DNAH14: variants seen among roughly 807,000 people sequenced by gnomAD.
DNAH14 encodes axonemal beta dynein heavy chain 14.
A neutral mutation model predicts 520.9 loss-of-function variants in DNAH14; 478 were observed. The observed-to-expected ratio is 0.92, with a 90% CI of 0.85 to 0.99. DNAH14 has a LOEUF of 0.99. Ranked by LOEUF, DNAH14 falls within the 50% of genes least tolerant of loss-of-function variation. The pLI is 0.00. For synonymous variants in DNAH14, 1,581 were observed against 1,757.2 expected, an observed-to-expected ratio of 0.90 and a Z score of 2.51; for missense variants, 4,831 against 5,234.5, an observed-to-expected ratio of 0.92 and a Z score of 2.38.
Position 225,159,316 on chromosome 1 carries a change from A to C in DNAH14, c.5276A>C (p.Asp1759Ala). 3.9e-6 allele frequency: 6 copies of C among 1,550,924 alleles called. No homozygotes were observed. The highest frequency in any genetic ancestry group is 5.2e-6 in the Non-Finnish European group (6 of 1,146,546). ...TTTGTTTTCTTCTACCATTGAAGTGATACCAGTGACAGTCTTTCTGAAGCA... is the reference window on the plus strand; with the variant it reads ...TTTGTTTTCTTCTACCATTGAAGTGCTACCAGTGACAGTCTTTCTGAAGCA... ...AGTKKREFKC[D>A]TSDSLSEADE... Residue 1759 changes from aspartate to alanine, a missense_variant and splice_region_variant, in exon 35 of 86, where the codon GAT becomes GCT. Physicochemically the swap from Asp to Ala is moderately radical, Grantham distance 126. Coordinates refer to ENST00000682510, the MANE Select transcript of DNAH14 (RefSeq NM_001367479.1).
intron 8 of DNAH14, among the ~76,000 whole-genome samples, chr1:224,978,642 CTTA>C (rs2062034149): frequency 6.6e-6 from 1 of 152,006 alleles, no homozygotes; most frequent in South Asian, 2.1e-4. Flanking sequence ...GCATTTTATT[CTTA>C]TTTCCTTTTT....
Position 225,206,992 on chromosome 1 carries a change from C to A in DNAH14, c.6211C>A (p.Pro2071Thr), listed in dbSNP as rs559897597. ...GGATCCTGTTGATCTGGGATGGGAA[C>A]CTTATGTTAAGTCATGGCTTCTGAA... ...YMDPVDLGWE[P>T]YVKSWLLKTS... The change falls in exon 41 of 86, where the codon CCT (proline) becomes ACT (threonine). Residue 2071 changes from proline to threonine, a missense_variant. Pro to Thr is a conservative substitution (Grantham distance 38, BLOSUM62 -1). Coordinates refer to ENST00000682510, the MANE Select transcript of DNAH14 (RefSeq NM_001367479.1). The A allele has an allele frequency of 2.0e-6, 3 of 1,527,120 alleles. No individual in the cohort carries two copies. Among genetic ancestry groups the A allele is most frequent in the East Asian group, 2.5e-5 (1 of 40,148 alleles). The allele number at this position is 1,527,120 out of a possible 1,614,324, so 94.6% of individuals were successfully genotyped here. A position where few individuals can be genotyped will look rare whatever the true frequency, so the allele number is the denominator to read the frequency against.
intron 41 of DNAH14, among the ~76,000 whole-genome samples, chr1:225,229,102 A>C (rs1415492644): frequency 6.6e-6 from 1 of 152,120 alleles, no homozygotes; most frequent in Admixed American, 6.5e-5. Flanking sequence ...ATCTGTACTA[A>C]ATAAATATGA....
chr1:225,328,622 G>A (rs2094727611), intron 64 of DNAH14, among the ~76,000 whole-genome samples: 1 of 128,340 alleles, frequency 7.8e-6, no homozygotes, highest in South Asian at 2.9e-4. Context: ...AAATATTTCT[G>A]GAAAATCTAA....
intron 8 of DNAH14, among the ~76,000 whole-genome samples, chr1:224,985,090 A>T (rs887827012): frequency 6.6e-6 from 1 of 152,204 alleles, no homozygotes; most frequent in Non-Finnish European, 1.5e-5. Flanking sequence ...AGAACTACCA[A>T]TTTGATCCAG....
chr1:225,315,142 A>G (rs965727649), intron 60 of DNAH14, among the ~76,000 whole-genome samples: 1 of 151,434 alleles, frequency 6.6e-6, no homozygotes, highest in African/African-American at 2.4e-5. Context: ...ATTCTTTTTC[A>G]TTCTTTTTTC....
In DNAH14 at chr1:224,974,133, A is replaced by G. The variant is rs1171907100; in HGVS notation, c.810A>G (p.Arg270=). 1.3e-6 allele frequency: 2 copies of G among 1,498,200 alleles called. No homozygotes were observed. The highest frequency in any genetic ancestry group is 1.8e-6 in the Non-Finnish European group (2 of 1,118,618). The allele number at this position is 1,498,200 out of a possible 1,614,324, so 92.8% of individuals were successfully genotyped here. A position where few individuals can be genotyped will look rare whatever the true frequency, so the allele number is the denominator to read the frequency against. Residue 270 remains arginine (R), a synonymous_variant, in exon 8 of 86, where the codon AGA becomes AGG. Coordinates refer to ENST00000682510, the MANE Select transcript of DNAH14 (RefSeq NM_001367479.1). ...AFVTWKLNVK[R]IKTEKSRSFL... ...TTACCTGGAAATTGAATGTTAAAAG[A>G]ATTAAGACAGAGAAGAGCAGGTAAG... is the stretch of plus-strand genomic sequence containing the variant.
chr1:225,268,773 G>A (rs2093210763), intron 49 of DNAH14, among the ~76,000 whole-genome samples: 1 of 152,104 alleles, frequency 6.6e-6, no homozygotes, highest in Admixed American at 6.6e-5. Flanking sequence ...ACTTACAAGG[G>A]ATGTGAAGGA....
chr1:225,122,549 CTA>C lies in DNAH14; in HGVS notation c.4167-974_4167-973del, dbSNP rs1363425418. 3.9e-5 allele frequency among the ~76,000 whole-genome samples: 6 copies of C among 152,140 alleles called. No individual in the cohort carries two copies. In the East Asian group the frequency reaches 7.7e-4, roughly 20 times the overall value. On this transcript the variant is annotated intron_variant, in intron 26 of 85. Coordinates refer to ENST00000682510, the MANE Select transcript of DNAH14 (RefSeq NM_001367479.1). The stretch of plus-strand genomic sequence containing the variant: ...AGATTTTGTCAAAAGAGAAATGTAA[CTA>C]TATGTTGTTTGAGAGATGTATAGCA...
At chr1:225,206,415 A>T (rs1437423174) in intron 40 of DNAH14, among the ~76,000 whole-genome samples, 1 of 152,138 alleles carries the variant, frequency 6.6e-6, no homozygotes, top group Non-Finnish European at 1.5e-5. Flanking sequence ...TATTTTCCAC[A>T]ACTGTGGGTA....
intron 41 of DNAH14, among the ~76,000 whole-genome samples, chr1:225,207,997 T>C (rs1036277013): frequency 1.3e-5 from 2 of 152,148 alleles, no homozygotes; most frequent in East Asian, 3.9e-4. Flanking sequence ...AACAACAAAA[T>C]GTCCTATTGG....
At chr1:225,038,615 G>T (rs934779384) in intron 11 of DNAH14, 79 bp from the exon 12 acceptor site, 26 of 1,383,794 alleles carry the variant, frequency 1.9e-5, no homozygotes, top group Non-Finnish European at 2.5e-5. Context: ...GCTTTTTGTT[G>T]TTGAGTTGTA....
intron 36 of DNAH14, among the ~76,000 whole-genome samples, chr1:225,171,526 T>G (rs913128997): frequency 3.3e-5 from 5 of 151,936 alleles, no homozygotes; most frequent in Admixed American, 2.6e-4. Flanking sequence ...CTAGAAGAAA[T>G]GGAAAAATTT....
In DNAH14 at chr1:225,164,414, A is replaced by G. The variant is rs374631761; in HGVS notation, c.5446-3525A>G. ...TATCTTTGTTTGAACTGTCTATCTTATAGGACATATATTGATGGCCTTTGT... is the reference window on the plus strand; with the variant it reads ...TATCTTTGTTTGAACTGTCTATCTTGTAGGACATATATTGATGGCCTTTGT... On this transcript the variant is annotated intron_variant, in intron 35 of 85. Coordinates refer to ENST00000682510, the MANE Select transcript of DNAH14 (RefSeq NM_001367479.1). Among the ~76,000 whole-genome samples, 7 of 152,248 alleles carry G rather than the reference A, an allele frequency of 4.6e-5. No individual in the cohort carries two copies. The South Asian group carries it at 1.2e-3, about 27-fold the overall frequency.
At chr1:225,083,242 T>A (rs1304234867) in intron 20 of DNAH14, among the ~76,000 whole-genome samples, 1 of 152,154 alleles carries the variant, frequency 6.6e-6, no homozygotes, top group Non-Finnish European at 1.5e-5. Flanking sequence ...AAAAACTTTC[T>A]ATTTTTATGT....
chr1:225,374,678 T>C lies in DNAH14; in HGVS notation c.12319-10T>C, dbSNP rs2095673616. The stretch of plus-strand genomic sequence containing the variant: ...TACTGAAATAATAAAGACTCATGGG[T>C]TTTCCAAAGGTTGCCATTAAGGTGT... On this transcript the variant is annotated splice_polypyrimidine_tract_variant and intron_variant, in intron 77 of 85. Transcript: ENST00000682510. 6.5e-7 allele frequency: 1 copy of C among 1,537,878 alleles called. No homozygotes were observed. The highest frequency in any genetic ancestry group is 1.4e-5 in the African/African-American group (1 of 72,646).
intron 8 of DNAH14, among the ~76,000 whole-genome samples, chr1:224,994,620 A>T (rs2063275919): frequency 6.6e-6 from 1 of 151,980 alleles, no homozygotes; most frequent in Non-Finnish European, 1.5e-5. Context: ...TTTGTTTTTT[A>T]AATCTATTTA....
At chr1:225,325,064 T>C (rs1045312106) in intron 64 of DNAH14, among the ~76,000 whole-genome samples, 8 of 151,926 alleles carry the variant, frequency 5.3e-5, no homozygotes, top group African/African-American at 1.7e-4. Context: ...TTATTGTCTT[T>C]ATAATATTTT....
At chr1:225,154,775 T>C (rs2080864234) in intron 34 of DNAH14, among the ~76,000 whole-genome samples, 1 of 151,936 alleles carries the variant, frequency 6.6e-6, no homozygotes, top group South Asian at 2.1e-4. Flanking sequence ...GTACGGAAGA[T>C]CTTTAAAACT....
Sources: gnomAD v4.1 joint callset for allele counts (sites outside exome capture counted in the v4.1 genomes callset) on GRCh38, gnomAD v4.1.1 for gene constraint, MANE v1.5 for transcripts, NCBI Gene and HGNC (gene_info 2026-07-23, HGNC 2026-07-21) for gene names.